SYNE2: variants seen among roughly 807,000 people sequenced by gnomAD.
SYNE2 encodes nesprin-2.
In SYNE2, 431 loss-of-function variants were observed where a neutral mutation model predicts 856.3. That is an observed-to-expected ratio of 0.50 (90% CI 0.47 to 0.55). The LOEUF (loss-of-function observed/expected upper bound fraction) is 0.55. Ranked by LOEUF, SYNE2 falls within the 20% of genes least tolerant of loss-of-function variation. SYNE2 has a pLI of 0.00. For missense variants in SYNE2, 8,129 were observed against 8,023.2 expected (o/e 1.01, Z -0.50); for synonymous variants, 2,923 against 2,872.3 (o/e 1.02, Z -0.56).
chr14:63,920,675 G>T (rs1292739339), intron 2 of SYNE2, among the ~76,000 whole-genome samples: 1 of 151,680 alleles, frequency 6.6e-6, no homozygotes, highest in Non-Finnish European at 1.5e-5. Flanking sequence ...TGTTAGGGTG[G>T]TCCACCCGAG....
At chr14:64,174,402 T>A (rs2098424462) in intron 94 of SYNE2, among the ~76,000 whole-genome samples, 1 of 145,464 alleles carries the variant, frequency 6.9e-6, no homozygotes, top group Non-Finnish European at 1.5e-5. Flanking sequence ...TGTTTTTAAT[T>A]TTCAGAAAGC....
intron 96 of SYNE2, among the ~76,000 whole-genome samples, chr14:64,181,290 A>G (rs2098456925): frequency 6.6e-6 from 1 of 152,144 alleles, no homozygotes; most frequent in Non-Finnish European, 1.5e-5. Context: ...TCTATGCCAA[A>G]TTTTCAAAGT....
At position 64,210,250 on chromosome 14, in the gene SYNE2, C is replaced by G. The variant is rs944417441; in HGVS notation, c.18723+126C>G. ...TCACTTCAGGCCTGAGCTGTTTTAA[C>G]AGTCCTCCAACACAAAGAAGCCCAA... On this transcript the variant is annotated intron_variant, in intron 103 of 115. Transcript: ENST00000555002. 8.9e-6 allele frequency: 11 copies of G among 1,237,086 alleles called. No individual in the cohort carries two copies. In the Admixed American group the frequency reaches 2.3e-4, roughly 26 times the overall value. The allele number at this position is 1,237,086 out of a possible 1,614,324, so 76.6% of individuals were successfully genotyped here. A position where few individuals can be genotyped will look rare whatever the true frequency, so the allele number is the denominator to read the frequency against.
intron 1 of SYNE2, among the ~76,000 whole-genome samples, chr14:63,772,279 AG>A (rs1434216082): frequency 2.6e-5 from 4 of 152,000 alleles, no homozygotes; most frequent in Non-Finnish European, 5.9e-5. Flanking sequence ...GCTTGAGGCC[AG>A]GAGGTTGAGG....
At chr14:63,798,889 G>A (rs1030623399) in intron 1 of SYNE2, among the ~76,000 whole-genome samples, 5 of 152,208 alleles carry the variant, frequency 3.3e-5, no homozygotes, top group East Asian at 1.9e-4. Context: ...GGCCTTGTTC[G>A]CTTGTCCAAA....
intron 78 of SYNE2, among the ~76,000 whole-genome samples, chr14:64,134,878 T>C (rs1479320671): frequency 1.3e-5 from 2 of 151,890 alleles, no homozygotes; most frequent in Admixed American, 6.6e-5. Context: ...TCCCAGTTAC[T>C]TGGGAGGCTG....
intron 50 of SYNE2, among the ~76,000 whole-genome samples, chr14:64,064,488 T>G (rs1157236854): frequency 1.3e-5 from 2 of 151,620 alleles, no homozygotes; most frequent in Non-Finnish European, 2.9e-5. Flanking sequence ...TAATCACAAG[T>G]AACTGAAACC....
In SYNE2 at chr14:63,986,592, AC is replaced by A; in HGVS notation, c.2289del (p.Asp763GlufsTer8). 1 of 1,614,166 alleles carries A rather than the reference AC, an allele frequency of 6.2e-7. No individual in the cohort carries two copies. Among genetic ancestry groups the A allele is most frequent in the Non-Finnish European group, 8.5e-7 (1 of 1,180,020 alleles). On this transcript the variant is annotated frameshift_variant, in exon 19 of 116. Transcript: ENST00000555002. LOFTEE classifies it high-confidence loss of function. ...TCTGTTTTGGATCAAGATGATGTGGACACCTCAATGGAAGAATCTTTGAAGG... is the reference window on the plus strand; with the variant it reads ...TCTGTTTTGGATCAAGATGATGTGGAACCTCAATGGAAGAATCTTTGAAGG... ...AKSVLDQDDV[D>X]TSMEESLKHL...
intron 19 of SYNE2, 33 bp downstream of exon 19, chr14:63,986,650 C>T: frequency 6.2e-7 from 1 of 1,600,978 alleles, no homozygotes; most frequent in Non-Finnish European, 8.6e-7. Flanking sequence ...AGGGTACTTT[C>T]ATGGTTGTGC....
chr14:63,979,108 G>A lies in SYNE2; in HGVS notation c.1569+94G>A, dbSNP rs146560166. On this transcript the variant is annotated intron_variant, in intron 14 of 115. Transcript: ENST00000555002. ...GGCATGATTTCCCATTAACTCTTCGGGTTTTGAGATGGGTTTTCTTGGTAG... is the reference window on the plus strand; with the variant it reads ...GGCATGATTTCCCATTAACTCTTCGAGTTTTGAGATGGGTTTTCTTGGTAG... The A allele has an allele frequency of 8.7e-3, 11,383 of 1,313,812 alleles. 78 individuals are homozygous for A. Among genetic ancestry groups the A allele is most frequent in the South Asian group, 0.015 (1,216 of 83,336 alleles). 81.4% of individuals were successfully genotyped at this position (1,313,812 alleles called of 1,614,324 possible).
intron 88 of SYNE2, among the ~76,000 whole-genome samples, chr14:64,163,055 A>G (rs1039883713): frequency 6.6e-5 from 10 of 152,222 alleles, no homozygotes; most frequent in African/African-American, 9.6e-5. Context: ...TCAGAGTTGC[A>G]TTGATTCTTG....
chr14:63,961,557 A>G lies in SYNE2; in HGVS notation c.820A>G (p.Ile274Val). The change falls in exon 9 of 116, where the codon ATC (isoleucine) becomes GTC (valine). Residue 274 changes from isoleucine to valine, a missense_variant. Coordinates refer to ENST00000555002, the MANE Select transcript of SYNE2 (RefSeq NM_182914.3). The part of the protein sequence containing the change: ...VDVVDPDEKS[I>V]MTYVAQFLQY... ...TGTTGTTGATCCTGATGAAAAGTCC[A>G]TCATGACCTATGTGGCACAGTTTCT... The G allele has an allele frequency of 6.2e-7, 1 of 1,614,098 alleles. No individual in the cohort carries two copies.
At chr14:63,836,470 C>T (rs912894694) in intron 1 of SYNE2, among the ~76,000 whole-genome samples, 1 of 152,180 alleles carries the variant, frequency 6.6e-6, no homozygotes. Flanking sequence ...ACTTACCATT[C>T]TTCAGTTTTT....
chr14:63,893,286 C>A (rs968635641), intron 1 of SYNE2, among the ~76,000 whole-genome samples: 2 of 152,186 alleles, frequency 1.3e-5, no homozygotes, highest in African/African-American at 4.8e-5. Flanking sequence ...TGGCCAGGTG[C>A]GGTGGCTCGC....
In SYNE2 at chr14:63,990,977, C is replaced by T. The variant is rs2096662450; in HGVS notation, c.2508C>T (p.Asn836=). Reference sequence around the variant, plus strand: ...TAAAACTCATTGCAGCGTTGAAGAACTTAACTGACGTTTCACCAGATTTGG... The same window carrying T: ...TAAAACTCATTGCAGCGTTGAAGAATTTAACTGACGTTTCACCAGATTTGG... ...NVVKLIAALK[N]LTDVSPDLDI... The change falls in exon 21 of 116, where the codon AAC becomes AAT. Residue 836 remains asparagine (N), a synonymous_variant. Coordinates refer to ENST00000555002, the MANE Select transcript of SYNE2 (RefSeq NM_182914.3). The T allele has an allele frequency of 1.9e-6, 3 of 1,614,142 alleles. No individual in the cohort carries two copies. The highest frequency in any genetic ancestry group is 2.5e-6 in the Non-Finnish European group (3 of 1,179,992).
At chr14:64,002,172 G>A (rs1480515838) in intron 29 of SYNE2, 91 bp downstream of exon 29, 1 of 1,108,414 alleles carries the variant, frequency 9.0e-7, no homozygotes, top group Non-Finnish European at 1.4e-6. Context: ...ATTCATGATA[G>A]CATAGATTAA....
intron 45 of SYNE2, among the ~76,000 whole-genome samples, chr14:64,045,982 G>A (rs2097183453): frequency 6.6e-6 from 1 of 152,094 alleles, no homozygotes; most frequent in South Asian, 2.1e-4. Flanking sequence ...TTTCTACCTT[G>A]TTGGGGATGT....
chr14:64,139,263 G>T (rs543969185), intron 79 of SYNE2, among the ~76,000 whole-genome samples: 2 of 151,544 alleles, frequency 1.3e-5, no homozygotes, highest in Non-Finnish European at 2.9e-5. Flanking sequence ...GATTACAGAA[G>T]TGAGCCACTG....
intron 85 of SYNE2, among the ~76,000 whole-genome samples, chr14:64,157,841 T>C (rs1483808393): frequency 6.6e-6 from 1 of 152,236 alleles, no homozygotes; most frequent in Non-Finnish European, 1.5e-5. Context: ...ATATGTTCAG[T>C]GTCTTTTCAT....
Sources: allele counts gnomAD v4.1 joint callset (sites outside exome capture counted in the v4.1 genomes callset), GRCh38; gene constraint gnomAD v4.1.1; transcripts MANE v1.5; gene names NCBI Gene and HGNC (gene_info 2026-07-23, HGNC 2026-07-21).